SPP1: variants seen among roughly 807,000 people sequenced by gnomAD.
SPP1 encodes osteopontin.
In SPP1, 18 loss-of-function variants were observed where a neutral mutation model predicts 20.8. The ratio of observed to expected loss-of-function variants is 0.87; its 90% CI spans 0.60 to 1.29. The LOEUF (loss-of-function observed/expected upper bound fraction) is 1.29. SPP1 is among the 50% of genes most tolerant of loss of function. SPP1 has a pLI of 0.00. For synonymous variants in SPP1, 146 were observed against 141.5 expected (o/e 1.03, Z -0.23); for missense variants, 363 against 389.0 (o/e 0.93, Z 0.56).
At chr4:87,977,879 G>A (rs1560581185) in intron 3 of SPP1, 1 of 1,151,170 alleles carries the variant, frequency 8.7e-7, no homozygotes, top group Admixed American at 3.7e-5. Flanking sequence ...TGTGTGGAGG[G>A]GTGTGTGTGT....
intron 5 of SPP1, 119 bp from the exon 6 acceptor site, chr4:87,981,356 G>A (rs1725632113): frequency 1.9e-5 from 17 of 915,096 alleles, no homozygotes; most frequent in Non-Finnish European, 2.6e-5. Flanking sequence ...GGTATGTACT[G>A]TGAATGCAAA....
Position 87,983,397 on chromosome 4 carries a change from C to A in SPP1, c.*501C>A, listed in dbSNP as rs1725743397. ...TGTCCAGCAATTAATAAAACATAAC[C>A]TTTTTTACTGCCTATATAATGTTTT... On this transcript the variant is annotated 3_prime_UTR_variant, in exon 7 of 7. Transcript: ENST00000395080. 1 of 154,646 alleles carries A rather than the reference C, an allele frequency of 6.5e-6. No individual in the cohort carries two copies. The highest frequency in any genetic ancestry group is 6.4e-5 in the Admixed American group (1 of 15,572). The allele number at this position is 154,646 out of a possible 1,614,324, so 9.6% of individuals were successfully genotyped here.
chr4:87,976,841 C>T (rs963302891), intron 1 of SPP1, 41 bp from the exon 2 acceptor site: 1 of 1,438,134 alleles, frequency 7.0e-7, no homozygotes. Context: ...ACTGTTGTAA[C>T]CTATGAAGAT....
chr4:87,980,763 G>T (rs1378187326), intron 5 of SPP1: 2 of 249,754 alleles, frequency 8.0e-6, no homozygotes, highest in Admixed American at 5.4e-5. Context: ...CTTTAGGAAA[G>T]TTTTCTTTCC....
At position 87,982,543 on chromosome 4, in the gene SPP1, T is replaced by C. The variant is rs1362637618; in HGVS notation, c.592T>C (p.Leu198=). ...CACCTCACACATGGAAAGCGAGGAG[T>C]TGAATGGTGCATACAAGGCCATCCC... ...DITSHMESEE[L]NGAYKAIPVA... is the part of the protein sequence containing the mutation. Residue 198 remains leucine, a synonymous_variant, in exon 7 of 7, where the codon TTG becomes CTG. Coordinates refer to ENST00000395080, the MANE Select transcript of SPP1 (RefSeq NM_001040058.2). The C allele has an allele frequency of 1.2e-6, 2 of 1,613,844 alleles. No individual in the cohort carries two copies. Among genetic ancestry groups the C allele is most frequent in the Admixed American group, 1.7e-5 (1 of 59,974 alleles).
At position 87,981,642 on chromosome 4, in the gene SPP1, A is replaced by G. The variant is rs769999405; in HGVS notation, c.384A>G (p.Glu128=). 19 of 1,614,058 alleles carry G rather than the reference A, an allele frequency of 1.2e-5. No individual in the cohort carries two copies. The highest frequency in any genetic ancestry group is 4.2e-6 in the Non-Finnish European group (5 of 1,180,042). ...CTGATGAGTCTCACCATTCTGATGA[A>G]TCTGATGAACTGGTCACTGATTTTC... The part of the protein sequence containing the change: ...HQSDESHHSD[E]SDELVTDFPT... Residue 128 remains glutamate (E), a synonymous_variant, in exon 6 of 7, where the codon GAA becomes GAG. Transcript: ENST00000395080.
intron 3 of SPP1, chr4:87,977,994 T>G: frequency 2.4e-6 from 1 of 416,174 alleles, no homozygotes; most frequent in Non-Finnish European, 3.3e-6. Context: ...GAGGCAAGAA[T>G]TAGCGTCTTT....
rs758683580 is a variant in SPP1 at position 87,982,584 on chromosome 4, G to C, written c.633G>C (p.Leu211=). 2.5e-6 allele frequency: 4 copies of C among 1,614,148 alleles called. No individual in the cohort carries two copies. In the South Asian group the frequency reaches 4.4e-5, roughly 18 times the overall value. The change falls in exon 7 of 7, where the codon CTG becomes CTC. Residue 211 remains leucine, a synonymous_variant. Coordinates refer to ENST00000395080, the MANE Select transcript of SPP1 (RefSeq NM_001040058.2). ...AGGCCATCCCCGTTGCCCAGGACCT[G>C]AACGCGCCTTCTGATTGGGACAGCC... ...AYKAIPVAQD[L]NAPSDWDSRG...
intron 5 of SPP1, 38 bp from the exon 6 acceptor site, chr4:87,981,437 A>G (rs1725635931): frequency 6.4e-7 from 1 of 1,568,858 alleles, no homozygotes; most frequent in Non-Finnish European, 8.7e-7. Context: ...GAAAATAAAA[A>G]CCCATATATT....
intron 3 of SPP1, chr4:87,977,643 A>G (rs1725435190): frequency 2.7e-6 from 3 of 1,121,932 alleles, no homozygotes; most frequent in African/African-American, 3.3e-5. Flanking sequence ...CAAACTCTTT[A>G]TTATAATTAT....
chr4:87,981,799 G>T lies in SPP1; in HGVS notation c.540+1G>T. On this transcript the variant is annotated splice_donor_variant, in intron 6 of 6. Transcript: ENST00000395080. LOFTEE classifies it high-confidence loss of function. ...GAAGTTTCGCAGACCTGACATCCAG[G>T]TAAATCCTTTAACAGACACACCTGA... is the stretch of plus-strand genomic sequence containing the variant. 1.9e-6 allele frequency: 3 copies of T among 1,612,854 alleles called. No homozygotes were observed. Among genetic ancestry groups the T allele is most frequent in the Non-Finnish European group, 2.5e-6 (3 of 1,179,250 alleles).
intron 3 of SPP1, among the ~76,000 whole-genome samples, chr4:87,977,386 T>C (rs904918191): frequency 2.0e-5 from 3 of 152,226 alleles, no homozygotes; most frequent in Non-Finnish European, 4.4e-5. Context: ...TGACTTTTTT[T>C]CCATTAGTCC....
chr4:87,981,476 C>G lies in SPP1; in HGVS notation c.218C>G (p.Thr73Ser). The G allele has an allele frequency of 6.2e-7, 1 of 1,612,332 alleles. No individual in the cohort carries two copies. The highest frequency in any genetic ancestry group is 1.3e-5 in the African/African-American group (1 of 74,948). Residue 73 changes from threonine (T) to serine (S), a missense_variant and splice_region_variant, in exon 6 of 7, where the codon ACC becomes AGC. By Grantham distance (58) the Thr-to-Ser change is moderately conservative. Transcript: ENST00000395080. Reference protein sequence around the residue: ...SEETNDFKQETLPSKSNESHD... With the variant: ...SEETNDFKQESLPSKSNESHD... ...TTTCCCGGCCATCTTAATTTTCAGA[C>G]CCTTCCAAGTAAGTCCAACGAAAGC...
In SPP1 at chr4:87,982,395, G is replaced by A. The variant is rs34111151; in HGVS notation, c.541-97G>A. The stretch of plus-strand genomic sequence containing the variant: ...TTCAGCCAGATTTAGACAATTTTTA[G>A]TATAAGATGACCTAAAAGCTAGAGA... On this transcript the variant is annotated intron_variant, in intron 6 of 6. Coordinates refer to ENST00000395080, the MANE Select transcript of SPP1 (RefSeq NM_001040058.2). 87 of 1,423,592 alleles carry A rather than the reference G, an allele frequency of 6.1e-5. No individual in the cohort carries two copies. The East Asian group carries it at 2.0e-3, about 33-fold the overall frequency. 88.2% of individuals were successfully genotyped at this position (1,423,592 alleles called of 1,614,324 possible).
chr4:87,981,560 A>G lies in SPP1; in HGVS notation c.302A>G (p.Asp101Gly). 2 of 1,614,076 alleles carry G rather than the reference A, an allele frequency of 1.2e-6. No individual in the cohort carries two copies. The highest frequency in any genetic ancestry group is 1.7e-6 in the Non-Finnish European group (2 of 1,179,966). Residue 101 changes from aspartate (D) to glycine (G), a missense_variant, in exon 6 of 7, where the codon GAC becomes GGC. Physicochemically the swap from Asp to Gly is moderately conservative, Grantham distance 94. Coordinates refer to ENST00000395080, the MANE Select transcript of SPP1 (RefSeq NM_001040058.2). ...EDDDDHVDSQ[D>G]SIDSNDSDDV... ...GATGATGACCATGTGGACAGCCAGGACTCCATTGACTCGAACGACTCTGAT... is the reference window on the plus strand; with the variant it reads ...GATGATGACCATGTGGACAGCCAGGGCTCCATTGACTCGAACGACTCTGAT...
At chr4:87,980,886 T>A (rs1402599884) in intron 5 of SPP1, among the ~76,000 whole-genome samples, 1 of 152,214 alleles carries the variant, frequency 6.6e-6, no homozygotes, top group East Asian at 1.9e-4. Flanking sequence ...ACTAAGAATA[T>A]TAAAGCAAGT....
At chr4:87,981,042 T>C (rs966728785) in intron 5 of SPP1, among the ~76,000 whole-genome samples, 1 of 152,182 alleles carries the variant, frequency 6.6e-6, no homozygotes, top group African/African-American at 2.4e-5. Flanking sequence ...AAAGTGGTTA[T>C]AGATTTTAGT....
chr4:87,981,476 C>T lies in SPP1; in HGVS notation c.218C>T (p.Thr73Ile), dbSNP rs546067438. The T allele has an allele frequency of 6.2e-7, 1 of 1,612,214 alleles. No individual in the cohort carries two copies. The highest frequency in any genetic ancestry group is 1.7e-5 in the Admixed American group (1 of 59,852). ...SEETNDFKQE[T>I]LPSKSNESHD... The stretch of plus-strand genomic sequence containing the variant: ...TTTCCCGGCCATCTTAATTTTCAGA[C>T]CCTTCCAAGTAAGTCCAACGAAAGC... The change falls in exon 6 of 7, where the codon ACC (threonine) becomes ATC (isoleucine). Residue 73 changes from threonine to isoleucine, a missense_variant and splice_region_variant. Coordinates refer to ENST00000395080, the MANE Select transcript of SPP1 (RefSeq NM_001040058.2).
Position 87,982,561 on chromosome 4 carries a change from G to A in SPP1, c.610G>A (p.Ala204Thr), listed in dbSNP as rs1725691290. The A allele has an allele frequency of 6.2e-6, 10 of 1,614,132 alleles. No homozygotes were observed. Among genetic ancestry groups the A allele is most frequent in the Middle Eastern group, 1.6e-4 (1 of 6,062 alleles). ...ESEELNGAYK[A>T]IPVAQDLNAP... Reference sequence around the variant, plus strand: ...CGAGGAGTTGAATGGTGCATACAAGGCCATCCCCGTTGCCCAGGACCTGAA... The same window carrying A: ...CGAGGAGTTGAATGGTGCATACAAGACCATCCCCGTTGCCCAGGACCTGAA... Residue 204 changes from alanine to threonine, a missense_variant, in exon 7 of 7, where the codon GCC (alanine) becomes ACC (threonine). Physicochemically the swap from Ala to Thr is moderately conservative, Grantham distance 58 (BLOSUM62 0). Transcript: ENST00000395080.
Sources: gnomAD v4.1 joint callset for allele counts (sites outside exome capture counted in the v4.1 genomes callset) on GRCh38, gnomAD v4.1.1 for gene constraint, MANE v1.5 for transcripts, NCBI Gene and HGNC (gene_info 2026-07-23, HGNC 2026-07-21) for gene names.